SASH1: variants seen among roughly 807,000 people sequenced by gnomAD.
The protein encoded by SASH1 is SAM and SH3 domain containing 1, also known as SAM and SH3 domain-containing protein 1.
In SASH1, 44 loss-of-function variants were observed where a neutral mutation model predicts 125.2. The ratio of observed to expected loss-of-function variants is 0.35; its 90% CI spans 0.28 to 0.45. The LOEUF (loss-of-function observed/expected upper bound fraction) is 0.45. SASH1 is among the 20% of genes least tolerant of loss of function. The pLI is 1.00. For missense variants in SASH1, 1,426 were observed against 1,614.5 expected, an observed-to-expected ratio of 0.88 and a Z score of 2.00; for synonymous variants, 639 against 649.1, an observed-to-expected ratio of 0.98 and a Z score of 0.24.
chr6:148,195,926 C>T, the SASH1 span, among the ~76,000 whole-genome samples: 9 of 152,172 alleles, frequency 5.9e-5, no homozygotes, highest in Admixed American at 5.2e-4. Context: ...CCCAACCTCT[C>T]CTGTGGTCAG....
intron 8 of SASH1, among the ~76,000 whole-genome samples, chr6:148,512,164 A>G (rs974012474): frequency 7.9e-5 from 12 of 151,848 alleles, no homozygotes; most frequent in Middle Eastern, 3.2e-3. Flanking sequence ...GACTACAGGC[A>G]CCCGCCACCA....
At chr6:148,542,479 C>T (rs1342114105) in intron 17 of SASH1, among the ~76,000 whole-genome samples, 3 of 152,252 alleles carry the variant, frequency 2.0e-5, no homozygotes, top group East Asian at 1.9e-4. Context: ...GTCCACCTCC[C>T]GGGTTCATGC....
the SASH1 span, among the ~76,000 whole-genome samples, chr6:148,228,622 G>A: frequency 1.6e-4 from 25 of 152,220 alleles, no homozygotes; most frequent in African/African-American, 6.0e-4. Context: ...TCCAGCCACA[G>A]GATTAGGTCA....
chr6:148,303,181 T>C (rs1780021014), intron 1 of SASH1, among the ~76,000 whole-genome samples: 1 of 151,992 alleles, frequency 6.6e-6, no homozygotes, highest in Admixed American at 6.6e-5. Context: ...GGTTTCACCA[T>C]GTTGGTCAGG....
chr6:148,541,246 C>A (rs895120636), intron 17 of SASH1, among the ~76,000 whole-genome samples: 1 of 151,010 alleles, frequency 6.6e-6, no homozygotes, highest in Non-Finnish European at 1.5e-5. Flanking sequence ...AAAAAATGCC[C>A]AGGTTTGATA....
At chr6:148,398,853 A>G (rs955691285) in intron 2 of SASH1, among the ~76,000 whole-genome samples, 2 of 152,218 alleles carry the variant, frequency 1.3e-5, no homozygotes, top group African/African-American at 4.8e-5. Context: ...ATCTTAAGCC[A>G]GATGGTAATA....
In SASH1 at chr6:148,532,259, G is replaced by A. The variant is rs1562489863; in HGVS notation, c.1565-538G>A. ...ACCCGGCTAATTTTGTTGTAGAGAC[G>A]GGGTTTTGCCATGTAGCCCAGGCTG... On this transcript the variant is annotated intron_variant, in intron 13 of 19. Transcript: ENST00000367467. This position sits in a 1 kb window ranked among gnomAD's most constrained non-coding sequence, Gnocchi z 4.7. 6.6e-6 allele frequency among the ~76,000 whole-genome samples: 1 copy of A among 151,950 alleles called. No individual in the cohort carries two copies. The highest frequency in any genetic ancestry group is 2.4e-5 in the African/African-American group (1 of 41,378).
chr6:148,194,878 C>G, the SASH1 span, among the ~76,000 whole-genome samples: 1 of 152,172 alleles, frequency 6.6e-6, no homozygotes, highest in Non-Finnish European at 1.5e-5. Flanking sequence ...TGCACTCCAG[C>G]CTGGGCGACA....
the SASH1 span, among the ~76,000 whole-genome samples, chr6:148,229,216 G>A: frequency 7.2e-6 from 1 of 139,760 alleles, no homozygotes; most frequent in Admixed American, 7.2e-5. Context: ...TAAAATAAAT[G>A]TAAACTCTTA....
chr6:148,416,668 G>A (rs1379417571), intron 2 of SASH1, among the ~76,000 whole-genome samples: 1 of 152,192 alleles, frequency 6.6e-6, no homozygotes, highest in Non-Finnish European at 1.5e-5. Flanking sequence ...TCTGTGTCTT[G>A]GGGTTGTGTT....
At chr6:148,487,852 T>G (rs1461964144) in intron 8 of SASH1, 137 bp downstream of exon 8, 1 of 560,818 alleles carries the variant, frequency 1.8e-6, no homozygotes, top group Non-Finnish European at 3.1e-6. Flanking sequence ...TCATATAGAT[T>G]GCTTATTTTC....
At chr6:148,371,757 C>G (rs962412357) in intron 1 of SASH1, among the ~76,000 whole-genome samples, 2 of 152,118 alleles carry the variant, frequency 1.3e-5, no homozygotes, top group African/African-American at 2.4e-5. Flanking sequence ...TCAGGCCCCT[C>G]CATGCACCTG....
upstream of SASH1, among the ~76,000 whole-genome samples, chr6:148,267,528 G>A (rs1412579995): frequency 5.3e-5 from 8 of 151,944 alleles, no homozygotes; most frequent in Non-Finnish European, 1.5e-5. Context: ...ACAGGTGCCC[G>A]CCACCACGCC....
chr6:148,406,878 C>G (rs747090711), intron 2 of SASH1, among the ~76,000 whole-genome samples: 68 of 150,594 alleles, frequency 4.5e-4, no homozygotes, highest in Non-Finnish European at 7.5e-4. Context: ...AAGGGAGGAG[C>G]AGAGAGAATC....
chr6:148,449,389 C>CTTTTTTTTTTTTTTTTTT (rs35961652), intron 4 of SASH1, among the ~76,000 whole-genome samples: 1 of 137,158 alleles, frequency 7.3e-6, no homozygotes, highest in Non-Finnish European at 1.6e-5. Flanking sequence ...TAATTTCTTT[C>CTTTTTTTTTTTTTTTTTT]TTTTTTTTTT....
At chr6:148,426,572 G>A (rs1274907378) in intron 2 of SASH1, among the ~76,000 whole-genome samples, 2 of 152,116 alleles carry the variant, frequency 1.3e-5, no homozygotes. Flanking sequence ...CAGAAGGAGT[G>A]TTGTACCTGT....
intron 1 of SASH1, among the ~76,000 whole-genome samples, chr6:148,386,077 G>C (rs377204539): frequency 3.3e-5 from 5 of 152,142 alleles, no homozygotes; most frequent in African/African-American, 1.2e-4. Flanking sequence ...CTCTGGTTCG[G>C]TAGTGTCGGA....
intron 1 of SASH1, among the ~76,000 whole-genome samples, chr6:148,319,194 G>A (rs570455341): frequency 1.9e-3 from 289 of 151,414 alleles, no homozygotes; most frequent in Middle Eastern, 3.4e-3. Context: ...CACCACGTCC[G>A]GCTAATTCTT....
intron 4 of SASH1, among the ~76,000 whole-genome samples, chr6:148,456,248 G>C (rs1777338757): frequency 6.6e-6 from 1 of 152,112 alleles, no homozygotes. Context: ...TTTCCCCCTA[G>C]GTTCTTGCAC....
Sources: gnomAD v4.1 joint callset for allele counts (sites outside exome capture counted in the v4.1 genomes callset) on GRCh38, gnomAD v4.1.1 for gene constraint, Gnocchi (gnomAD v3.1) non-coding constraint, MANE v1.5 for transcripts, NCBI Gene and HGNC (gene_info 2026-07-23, HGNC 2026-07-21) for gene names.